YWHAZ: variants seen among roughly 807,000 people sequenced by gnomAD.
YWHAZ encodes tyrosine 3-monooxygenase/tryptophan 5-monooxygenase activation protein zeta, also known as 14-3-3 protein zeta/delta.
For synonymous variants in YWHAZ, 87 were observed against 103.6 expected, an observed-to-expected ratio of 0.84 and a Z score of 0.97; for missense variants, 79 against 284.8, an observed-to-expected ratio of 0.28 and a Z score of 5.20.
In YWHAZ at chr8:100,917,937, T is replaced by C. The variant is rs953481215; in HGVS notation, c.*2756A>G. The C allele has an allele frequency of 6.6e-6, 1 of 152,178 alleles. No individual in the cohort carries two copies. Among genetic ancestry groups the C allele is most frequent in the South Asian group, 2.1e-4 (1 of 4,832 alleles). The allele number at this position is 152,178 out of a possible 1,614,324, so 9.4% of individuals were successfully genotyped here. A position where few individuals can be genotyped will look rare whatever the true frequency, so the allele number is the denominator to read the frequency against. ...ATTGGGAACTACTATGTAGAAAACATTAGTTAATACTAGTGAAGTGTTTTC... is the reference window on the plus strand; with the variant it reads ...ATTGGGAACTACTATGTAGAAAACACTAGTTAATACTAGTGAAGTGTTTTC... On this transcript the variant is annotated 3_prime_UTR_variant, in exon 6 of 6. Transcript: ENST00000395958.
rs1227018490 is a variant in YWHAZ, at chr8:100,924,545, G to A, written c.419-247C>T. On this transcript the variant is annotated intron_variant, in intron 3 of 5. Transcript: ENST00000395958. The surrounding 1 kb of genome is among the most constrained non-coding windows in gnomAD (Gnocchi z 5.7). ...ATTGTTATGTTTTTAAAAAATTGAC[G>A]AGTTTTGACATCCCAGACCCAAGCA... 1.3e-5 allele frequency among the ~76,000 whole-genome samples: 2 copies of A among 151,474 alleles called. No homozygotes were observed. The highest frequency in any genetic ancestry group is 2.9e-5 in the Non-Finnish European group (2 of 67,958).
intron 2 of YWHAZ, among the ~76,000 whole-genome samples, chr8:100,928,561 G>A (rs777876674): frequency 2.0e-5 from 3 of 151,692 alleles, no homozygotes; most frequent in Admixed American, 6.6e-5. Flanking sequence ...GTAAAACCTC[G>A]TCTCTACCAA....
rs1554611373 is a variant in YWHAZ, at chr8:100,918,408, T to TTATTTATATA, written c.*2284_*2285insTATATAAATA. On this transcript the variant is annotated 3_prime_UTR_variant, in exon 6 of 6. Coordinates refer to ENST00000395958, the MANE Select transcript of YWHAZ (RefSeq NM_145690.3). The stretch of plus-strand genomic sequence containing the variant: ...AGTCTAGCTATAAAATATAATTACT[T>TTATTTATATA]TATATATATATATATATATATATAT... 3 of 41,882 alleles carry TTATTTATATA rather than the reference T, an allele frequency of 7.2e-5. No homozygotes were observed. Among genetic ancestry groups the TTATTTATATA allele is most frequent in the South Asian group, 1.3e-3 (1 of 796 alleles). 2.6% of individuals were successfully genotyped at this position (41,882 alleles called of 1,614,324 possible). A position where few individuals can be genotyped will look rare whatever the true frequency, so the allele number is the denominator to read the frequency against.
chr8:100,916,657 T>C lies in YWHAZ; in HGVS notation c.*4036A>G, dbSNP rs1812726454. The C allele has an allele frequency of 6.6e-6, 1 of 152,226 alleles. No homozygotes were observed. Among genetic ancestry groups the C allele is most frequent in the African/African-American group, 2.4e-5 (1 of 41,452 alleles). 9.4% of individuals were successfully genotyped at this position (152,226 alleles called of 1,614,324 possible). ...AGGTTTGGACTTTCAAGGAATGAAC[T>C]CAAATATGATCAAATATTCACATCT... On this transcript the variant is annotated 3_prime_UTR_variant, in exon 6 of 6. Coordinates refer to ENST00000395958, the MANE Select transcript of YWHAZ (RefSeq NM_145690.3).
rs1810496807 is a variant in YWHAZ, at chr8:100,948,873, A to T, written c.17T>A (p.Leu6Gln). The T allele has an allele frequency of 1.3e-6, 2 of 1,593,576 alleles. No homozygotes were observed. Among genetic ancestry groups the T allele is most frequent in the African/African-American group, 2.7e-5 (2 of 74,692 alleles). Residue 6 changes from leucine to glutamine, a missense_variant, in exon 2 of 6, where the codon CTG becomes CAG. By Grantham distance (113) the Leu-to-Gln change is moderately radical (BLOSUM62 -2). Coordinates refer to ENST00000395958, the MANE Select transcript of YWHAZ (RefSeq NM_145690.3). The surrounding 1 kb of genome is among the most constrained non-coding windows in gnomAD (Gnocchi z 4.2). ...CTCGGCCAGTTTGGCCTTCTGAACC[A>T]GCTCATTTTTATCCATGACTGGATG... MDKNE[L>Q]VQKAKLAEQA...
intron 2 of YWHAZ, among the ~76,000 whole-genome samples, chr8:100,938,439 T>C (rs1230321219): frequency 1.3e-5 from 2 of 152,162 alleles, no homozygotes; most frequent in African/African-American, 4.8e-5. Context: ...TAAACATATT[T>C]CTACAAATCT....
At chr8:100,939,051 CAAG>C (rs1391360026) in intron 2 of YWHAZ, among the ~76,000 whole-genome samples, 2 of 152,206 alleles carry the variant, frequency 1.3e-5, no homozygotes, top group Admixed American at 1.3e-4. Flanking sequence ...TTTTAATCAA[CAAG>C]AAATCTGGCA....
At chr8:100,953,075 C>G, upstream of YWHAZ, 8 of 995,362 alleles carry the variant, frequency 8.0e-6, no homozygotes, top group Non-Finnish European at 9.6e-6. Flanking sequence ...GAGGCGCGGC[C>G]GCTTTAGGGA....
chr8:100,952,071 C>T (rs900323698), upstream of YWHAZ: 35 of 987,452 alleles, frequency 3.5e-5, no homozygotes, highest in African/African-American at 1.0e-4. Flanking sequence ...CACGGGGTTT[C>T]CTCCAATCAC....
chr8:100,921,311 G>T (rs1813010141), intron 5 of YWHAZ, among the ~76,000 whole-genome samples: 1 of 152,166 alleles, frequency 6.6e-6, no homozygotes, highest in East Asian at 1.9e-4. Context: ...TTACAGGTGT[G>T]AGCCACTGTG....
chr8:100,951,970 G>A lies in YWHAZ; in HGVS notation c.-53C>T. On this transcript the variant is annotated 5_prime_UTR_variant, in exon 1 of 6. Coordinates refer to ENST00000395958, the MANE Select transcript of YWHAZ (RefSeq NM_145690.3). Reference sequence around the variant, plus strand: ...TGGTGGCGGCGGACGGACGGGCTCAGCAGTCTCTGGGCGGCGGCGGCGGCA... The same window carrying A: ...TGGTGGCGGCGGACGGACGGGCTCAACAGTCTCTGGGCGGCGGCGGCGGCA... 1 of 1,004,836 alleles carries A rather than the reference G, an allele frequency of 1.0e-6. No homozygotes were observed. Among genetic ancestry groups the A allele is most frequent in the Non-Finnish European group, 1.2e-6 (1 of 843,516 alleles). 62.2% of individuals were successfully genotyped at this position (1,004,836 alleles called of 1,614,324 possible).
chr8:100,931,840 T>C (rs1285553351), intron 2 of YWHAZ, among the ~76,000 whole-genome samples: 1 of 152,182 alleles, frequency 6.6e-6, no homozygotes, highest in Non-Finnish European at 1.5e-5. Context: ...AATCTAAAAT[T>C]TGTATAACTA....
chr8:100,925,667 C>T (rs545055300), intron 2 of YWHAZ, among the ~76,000 whole-genome samples: 21 of 152,100 alleles, frequency 1.4e-4, no homozygotes, highest in Non-Finnish European at 3.1e-4. Context: ...AAGTCATTTT[C>T]GGCTAGTAAG....
chr8:100,937,699 G>A lies in YWHAZ; in HGVS notation c.294+10897C>T, dbSNP rs1045906873. 1.2e-4 allele frequency among the ~76,000 whole-genome samples: 19 copies of A among 152,190 alleles called. 1 individual carries two copies. The highest frequency in any genetic ancestry group is 9.8e-4 in the Admixed American group (15 of 15,286). On this transcript the variant is annotated intron_variant, in intron 2 of 5. Coordinates refer to ENST00000395958, the MANE Select transcript of YWHAZ (RefSeq NM_145690.3). The stretch of plus-strand genomic sequence containing the variant: ...TTCCAAAACAACAAATGAAGAGAGA[G>A]ACATTAGGACACAGACATGCCTGCT...
At position 100,917,888 on chromosome 8, in the gene YWHAZ, C is replaced by T. The variant is rs988981615; in HGVS notation, c.*2805G>A. On this transcript the variant is annotated 3_prime_UTR_variant, in exon 6 of 6. Transcript: ENST00000395958. ...ATTCAAATTCCAAAACAAAGAATCT[C>T]AGGTTGGAAATTTTCCTTAATCTAT... is the stretch of plus-strand genomic sequence containing the variant. The T allele has an allele frequency of 6.6e-6, 1 of 152,162 alleles. No individual in the cohort carries two copies. Among genetic ancestry groups the T allele is most frequent in the African/African-American group, 2.4e-5 (1 of 41,434 alleles). 9.4% of individuals were successfully genotyped at this position (152,162 alleles called of 1,614,324 possible). A position where few individuals can be genotyped will look rare whatever the true frequency, so the allele number is the denominator to read the frequency against.
intron 2 of YWHAZ, among the ~76,000 whole-genome samples, chr8:100,944,346 T>C (rs1413445830): frequency 1.3e-5 from 2 of 152,164 alleles, no homozygotes; most frequent in African/African-American, 4.8e-5. Flanking sequence ...GAGATAAAAA[T>C]CAGTGACCCA....
chr8:100,943,685 A>G (rs906792510), intron 2 of YWHAZ, among the ~76,000 whole-genome samples: 57 of 152,252 alleles, frequency 3.7e-4, no homozygotes, highest in African/African-American at 1.3e-3. Context: ...ACTGAACTTT[A>G]TTACCAAAGA....
At chr8:100,943,666 T>C (rs1375962968) in intron 2 of YWHAZ, among the ~76,000 whole-genome samples, 1 of 152,138 alleles carries the variant, frequency 6.6e-6, no homozygotes, top group Non-Finnish European at 1.5e-5. Flanking sequence ...GCACTTTACA[T>C]TAAAAAAAAC....
intron 2 of YWHAZ, among the ~76,000 whole-genome samples, chr8:100,929,886 C>G (rs1050147864): frequency 6.6e-6 from 1 of 151,892 alleles, no homozygotes; most frequent in African/African-American, 2.4e-5. Flanking sequence ...TGGAGGTGCA[C>G]CAAGTAGAGA....
Sources: allele counts gnomAD v4.1 joint callset (sites outside exome capture counted in the v4.1 genomes callset), GRCh38; gene constraint gnomAD v4.1.1; non-coding constraint Gnocchi (gnomAD v3.1); transcripts MANE v1.5; gene names NCBI Gene and HGNC (gene_info 2026-07-23, HGNC 2026-07-21).